EMCN: variants seen among roughly 807,000 people sequenced by gnomAD.
The protein encoded by EMCN is MUC-14.
A neutral mutation model predicts 38.4 loss-of-function variants in EMCN; 37 were observed. The ratio of observed to expected loss-of-function variants is 0.96; its 90% confidence interval spans 0.74 to 1.27. EMCN has a LOEUF of 1.27. EMCN is among the 50% of genes most tolerant of loss of function. EMCN has a pLI of 0.00. For missense variants in EMCN, 318 were observed against 302.8 expected (o/e 1.05, Z -0.37); for synonymous variants, 95 against 100.8 (o/e 0.94, Z 0.35).
At chr4:100,451,918 T>C (rs1000120713) in intron 4 of EMCN, among the ~76,000 whole-genome samples, 6 of 152,066 alleles carry the variant, frequency 3.9e-5, no homozygotes, top group Admixed American at 6.6e-5. Flanking sequence ...TATAATCCTA[T>C]TTTAATTATT....
At chr4:100,492,039 C>CAACAG (rs1333798160) in intron 1 of EMCN, among the ~76,000 whole-genome samples, 1 of 152,014 alleles carries the variant, frequency 6.6e-6, no homozygotes, top group Non-Finnish European at 1.5e-5. Context: ...ATTAAAGTCC[C>CAACAG]AACAGTAACC....
chr4:100,421,769 A>G (rs1726895724), intron 7 of EMCN, among the ~76,000 whole-genome samples: 1 of 152,024 alleles, frequency 6.6e-6, no homozygotes, highest in Non-Finnish European at 1.5e-5. Flanking sequence ...CCCAACGGGG[A>G]TTGCTTTAGT....
At chr4:100,471,365 G>A (rs988670468) in intron 3 of EMCN, among the ~76,000 whole-genome samples, 5 of 151,542 alleles carry the variant, frequency 3.3e-5, no homozygotes. Flanking sequence ...CAAATTCCTA[G>A]GAAATCACTA....
chr4:100,487,154 A>G (rs1029463144), intron 1 of EMCN: 1 of 329,048 alleles, frequency 3.0e-6, no homozygotes, highest in Non-Finnish European at 4.3e-6. Context: ...CTTCCTCCAT[A>G]CAGTTCTCTG....
intron 5 of EMCN, among the ~76,000 whole-genome samples, chr4:100,434,006 G>A (rs1374597451): frequency 2.0e-5 from 3 of 151,984 alleles, no homozygotes; most frequent in African/African-American, 2.4e-5. Flanking sequence ...GCTGGCAGAA[G>A]ACAAGAAATA....
At chr4:100,517,095 C>A (rs934542695) in intron 1 of EMCN, among the ~76,000 whole-genome samples, 1 of 152,142 alleles carries the variant, frequency 6.6e-6, no homozygotes. Flanking sequence ...AGTTTATTTT[C>A]AATCACTCAG....
chr4:100,510,037 A>T (rs1420496352), intron 1 of EMCN, among the ~76,000 whole-genome samples: 1 of 152,204 alleles, frequency 6.6e-6, no homozygotes, highest in East Asian at 1.9e-4. Context: ...ATTAAGAAAG[A>T]TTTAATGTCT....
intron 1 of EMCN, among the ~76,000 whole-genome samples, chr4:100,513,057 AT>A (rs896286832): frequency 2.0e-5 from 3 of 152,050 alleles, no homozygotes; most frequent in Non-Finnish European, 4.4e-5. Context: ...TTAAATATTC[AT>A]TTTTTTCTTA....
Position 100,465,468 on chromosome 4 carries a change from T to C in EMCN, c.331A>G (p.Thr111Ala). The C allele has an allele frequency of 6.2e-7, 1 of 1,609,678 alleles. No homozygotes were observed. Among genetic ancestry groups the C allele is most frequent in the Non-Finnish European group, 8.5e-7 (1 of 1,177,170 alleles). Residue 111 changes from threonine (T) to alanine (A), a missense_variant, in exon 4 of 12, where the codon ACA becomes GCA. Physicochemically the swap from Thr to Ala is moderately conservative, Grantham distance 58. Coordinates refer to ENST00000296420, the MANE Select transcript of EMCN (RefSeq NM_016242.4). ...IISNVTVTSV[T>A]LPNAVSTLQS... is the part of the protein sequence containing the mutation. The stretch of plus-strand genomic sequence containing the variant: ...AATGTTGAAACAGCATTTGGAAGTG[T>C]AACACTTGTTACTGTTACGTTTGAA...
intron 5 of EMCN, among the ~76,000 whole-genome samples, chr4:100,444,585 C>G (rs1365678989): frequency 6.6e-6 from 1 of 152,072 alleles, no homozygotes; most frequent in Non-Finnish European, 1.5e-5. Flanking sequence ...TGCACAGTAA[C>G]TGGAATGTGG....
Position 100,413,296 on chromosome 4 carries a change from A to T in EMCN, c.751+2602T>A, listed in dbSNP as rs190399758. Among the ~76,000 whole-genome samples the T allele has an allele frequency of 7.7e-3, 1,178 of 152,228 alleles. 8 individuals are homozygous for T. The highest frequency in any genetic ancestry group is 0.011 in the Non-Finnish European group (716 of 68,006). On this transcript the variant is annotated intron_variant, in intron 10 of 11. Transcript: ENST00000296420. Reference sequence around the variant, plus strand: ...TTTTCTGTATTTTAAAAATTTCTAAAAATTTTTATATAGGCAGCAGTAGAA... The same window carrying T: ...TTTTCTGTATTTTAAAAATTTCTAATAATTTTTATATAGGCAGCAGTAGAA...
rs1291704905 is a variant in EMCN, at chr4:100,395,999, T to C, written c.*2414A>G. 2 of 152,210 alleles carry C rather than the reference T, an allele frequency of 1.3e-5. No individual in the cohort carries two copies. The allele number at this position is 152,210 out of a possible 1,614,324, so 9.4% of individuals were successfully genotyped here. On this transcript the variant is annotated 3_prime_UTR_variant, in exon 12 of 12. Transcript: ENST00000296420. ...GGCACTTCTTTGTTGCAATGATGTT[T>C]GAACTGTGTATCAGAATAAAAAACT...
At chr4:100,400,206 T>C (rs1372807463) in intron 11 of EMCN, among the ~76,000 whole-genome samples, 1 of 152,172 alleles carries the variant, frequency 6.6e-6, no homozygotes, top group Non-Finnish European at 1.5e-5. Flanking sequence ...TACAATAACA[T>C]GAATGTTGCA....
At chr4:100,459,106 C>A (rs1287692159) in intron 4 of EMCN, among the ~76,000 whole-genome samples, 1 of 151,408 alleles carries the variant, frequency 6.6e-6, no homozygotes, top group Non-Finnish European at 1.5e-5. Context: ...ATTTGTAGGA[C>A]TTCTTTTATT....
intron 1 of EMCN, among the ~76,000 whole-genome samples, chr4:100,488,802 G>A (rs1449985636): frequency 6.6e-6 from 1 of 151,880 alleles, no homozygotes; most frequent in Non-Finnish European, 1.5e-5. Flanking sequence ...CTATTTAGTT[G>A]ATTTAAAATA....
chr4:100,481,805 C>A (rs1353606505), intron 1 of EMCN, among the ~76,000 whole-genome samples: 2 of 152,174 alleles, frequency 1.3e-5, no homozygotes, highest in African/African-American at 4.8e-5. Context: ...TAGTAACATT[C>A]TTAATTTCTG....
At chr4:100,513,491 G>A in intron 1 of EMCN, among the ~76,000 whole-genome samples, 1 of 152,146 alleles carries the variant, frequency 6.6e-6, no homozygotes, top group Non-Finnish European at 1.5e-5. Flanking sequence ...AGTTGGTTGA[G>A]AATAAGGTAG....
intron 1 of EMCN, among the ~76,000 whole-genome samples, chr4:100,496,196 T>C (rs1162481767): frequency 6.6e-6 from 1 of 152,196 alleles, no homozygotes; most frequent in South Asian, 2.1e-4. Context: ...ATTTTTCTTA[T>C]GTCTAGTGAG....
chr4:100,507,363 A>G (rs1729506204), intron 1 of EMCN, among the ~76,000 whole-genome samples: 1 of 152,212 alleles, frequency 6.6e-6, no homozygotes, highest in Non-Finnish European at 1.5e-5. Context: ...TTAAACTAGT[A>G]CAAGCAAAAA....
Sources: allele counts gnomAD v4.1 joint callset (sites outside exome capture counted in the v4.1 genomes callset), GRCh38; gene constraint gnomAD v4.1.1; transcripts MANE v1.5; gene names NCBI Gene and HGNC (gene_info 2026-07-23, HGNC 2026-07-21).